Variants in SPTBN2 observed in about 807,000 individuals in gnomAD.
SPTBN2 encodes spectrin beta chain, non-erythrocytic 2.
Under a neutral mutation model 284.2 loss-of-function variants are expected in SPTBN2, and 107 were observed. The observed-to-expected ratio is 0.38, with a 90% CI of 0.32 to 0.44. The LOEUF is 0.44. Among genes scored for constraint, SPTBN2 ranks in the 20% least tolerant of loss-of-function variants. The pLI, the probability that SPTBN2 is intolerant of heterozygous loss-of-function variation, is 1.00. For missense variants in SPTBN2, 2,569 were observed against 3,287.1 expected, an observed-to-expected ratio of 0.78 and a Z score of 5.34; for synonymous variants, 1,289 against 1,354.8, an observed-to-expected ratio of 0.95 and a Z score of 1.07.
intron 8 of SPTBN2, 81 bp from the exon 9 acceptor site, chr11:66,711,110 C>T (rs1308237478): frequency 1.8e-6 from 2 of 1,130,536 alleles, no homozygotes; most frequent in Admixed American, 3.5e-5. Flanking sequence ...CCTGGGCCTG[C>T]CCAGTCCTCC....
chr11:66,687,962 G>A lies in SPTBN2; in HGVS notation c.6450+42C>T, dbSNP rs1940256132. ...GTAAAAGGATGTGCGGGGGTGGAGG[G>A]GCTACGACTCCGATGGGGGCACAGA... On this transcript the variant is annotated intron_variant, in intron 33 of 37. Transcript: ENST00000533211. This position sits in a 1 kb window ranked among gnomAD's most constrained non-coding sequence, Gnocchi z 5.2. The A allele has an allele frequency of 1.2e-6, 2 of 1,614,050 alleles. No homozygotes were observed. The highest frequency in any genetic ancestry group is 1.7e-6 in the Non-Finnish European group (2 of 1,180,018).
chr11:66,693,725 G>T lies in SPTBN2; in HGVS notation c.4593+47C>A. The stretch of plus-strand genomic sequence containing the variant: ...CTTAAGAAAAAACACGTCCAAGTCT[G>T]GGCAGGCTCCTGGGAACTTCTCTTT... On this transcript the variant is annotated intron_variant, in intron 23 of 37. Transcript: ENST00000533211. This position sits in a 1 kb window ranked among gnomAD's most constrained non-coding sequence, Gnocchi z 5.7. The T allele has an allele frequency of 6.4e-7, 1 of 1,560,534 alleles. No homozygotes were observed. The highest frequency in any genetic ancestry group is 8.7e-7 in the Non-Finnish European group (1 of 1,143,862).
At chr11:66,699,157 C>T (rs1941104424) in intron 18 of SPTBN2, 75 bp from the exon 19 acceptor site, 1 of 1,559,660 alleles carries the variant, frequency 6.4e-7, no homozygotes. Flanking sequence ...ACCTAGGGGC[C>T]TCCATTTCTT....
intron 1 of SPTBN2, among the ~76,000 whole-genome samples, chr11:66,727,746 A>G (rs1942672382): frequency 6.6e-6 from 1 of 151,820 alleles, no homozygotes; most frequent in African/African-American, 2.4e-5. Flanking sequence ...GGGAGGAGGG[A>G]GCCCGGCTCC....
Position 66,710,437 on chromosome 11 carries a change from A to G in SPTBN2, c.1073+145T>C, listed in dbSNP as rs747041893. On this transcript the variant is annotated intron_variant, in intron 10 of 37. Coordinates refer to ENST00000533211, the MANE Select transcript of SPTBN2 (RefSeq NM_006946.4). The surrounding 1 kb of genome is among the most constrained non-coding windows in gnomAD (Gnocchi z 4.9). ...CATTAAAAAATTTTATTTTGTATCA[A>G]CTATGTTGTTTGGATGCTTCTGGTG... 73 of 833,218 alleles carry G rather than the reference A, an allele frequency of 8.8e-5. 1 individual carries two copies. The highest frequency in any genetic ancestry group is 1.2e-4 in the Non-Finnish European group (62 of 529,540). 51.6% of individuals were successfully genotyped at this position (833,218 alleles called of 1,614,324 possible). A position where few individuals can be genotyped will look rare whatever the true frequency, so the allele number is the denominator to read the frequency against.
At chr11:66,742,613 AT>A (rs879285801) in intron 1 of SPTBN2, among the ~76,000 whole-genome samples, 373 of 142,970 alleles carry the variant, frequency 2.6e-3, no homozygotes, top group Admixed American at 3.2e-3. Context: ...CACAATGATA[AT>A]TTTTTTTTTT....
At position 66,707,433 on chromosome 11, in the gene SPTBN2, C is replaced by T. The variant is rs760455984; in HGVS notation, c.1653+83G>A. ...TGGTTCACACTCCACAGAGATCGGCCGAGCAGACGGGCGGACGCACCCACT... is the reference window on the plus strand; with the variant it reads ...TGGTTCACACTCCACAGAGATCGGCTGAGCAGACGGGCGGACGCACCCACT... On this transcript the variant is annotated intron_variant, in intron 13 of 37. Coordinates refer to ENST00000533211, the MANE Select transcript of SPTBN2 (RefSeq NM_006946.4). This position sits in a 1 kb window ranked among gnomAD's most constrained non-coding sequence, Gnocchi z 4.9. 61 of 1,438,040 alleles carry T rather than the reference C, an allele frequency of 4.2e-5. No individual in the cohort carries two copies. Among genetic ancestry groups the T allele is most frequent in the South Asian group, 6.2e-5 (5 of 80,010 alleles). 89.1% of individuals were successfully genotyped at this position (1,438,040 alleles called of 1,614,324 possible). A position where few individuals can be genotyped will look rare whatever the true frequency, so the allele number is the denominator to read the frequency against.
In SPTBN2 at chr11:66,713,662, T is replaced by G; in HGVS notation, c.741A>C (p.Glu247Asp). The stretch of plus-strand genomic sequence containing the variant: ...GATCCAGCAGCTTGGTAAGTCCCAG[T>G]TCCTTTTCAGCCAGATTGAATGCAT... ...LQNAFNLAEK[E>D]LGLTKLLDPE... The change falls in exon 8 of 38, where the codon GAA (glutamate) becomes GAC (aspartate). Residue 247 changes from glutamate (E) to aspartate (D), a missense_variant. Physicochemically the swap from Glu to Asp is conservative, Grantham distance 45 (BLOSUM62 2). Transcript: ENST00000533211. The G allele has an allele frequency of 6.2e-7, 1 of 1,614,060 alleles. No individual in the cohort carries two copies. Among genetic ancestry groups the G allele is most frequent in the Non-Finnish European group, 8.5e-7 (1 of 1,180,014 alleles).
At position 66,701,265 on chromosome 11, in the gene SPTBN2, C is replaced by T. The variant is rs377663856; in HGVS notation, c.2834G>A (p.Arg945His). ...AGCTGCCTTCTTGCCGTCTGCCAGACGCCGAAACTGCTGCCACCTGAGAGC... is the reference window on the plus strand; with the variant it reads ...AGCTGCCTTCTTGCCGTCTGCCAGATGCCGAAACTGCTGCCACCTGAGAGC... ...QLNHRWQQFR[R>H]LADGKKAALT... The change falls in exon 17 of 38, where the codon CGT (arginine) becomes CAT (histidine). Residue 945 changes from arginine to histidine, a missense_variant. This residue lies in a region of SPTBN2 where 1,012 missense variants were observed against 1,248.9 expected (regional missense o/e 0.81). Transcript: ENST00000533211. 138 of 1,612,630 alleles carry T rather than the reference C, an allele frequency of 8.6e-5. No homozygotes were observed. The highest frequency in any genetic ancestry group is 5.0e-4 in the Middle Eastern group (3 of 6,054).
chr11:66,722,362 C>G (rs552601860), intron 1 of SPTBN2, among the ~76,000 whole-genome samples: 2 of 150,204 alleles, frequency 1.3e-5, no homozygotes, highest in Non-Finnish European at 3.0e-5. Context: ...ATCACAAGGT[C>G]AGGAGATCGA....
At position 66,701,745 on chromosome 11, in the gene SPTBN2, G is replaced by A. The variant is rs551944128; in HGVS notation, c.2679-24C>T. 6.9e-5 allele frequency: 111 copies of A among 1,614,022 alleles called. 1 individual carries two copies. The South Asian group carries it at 7.1e-4, about 10-fold the overall frequency. On this transcript the variant is annotated intron_variant, in intron 15 of 37. Coordinates refer to ENST00000533211, the MANE Select transcript of SPTBN2 (RefSeq NM_006946.4). ...ACCTGAGAGGGTGGAAGAGCCAGGCGTGAATTGTGGGAGGCAGCGATGTGC... is the reference window on the plus strand; with the variant it reads ...ACCTGAGAGGGTGGAAGAGCCAGGCATGAATTGTGGGAGGCAGCGATGTGC...
At chr11:66,705,534 C>T in intron 14 of SPTBN2, 66 bp from the exon 15 acceptor site, 1 of 1,608,966 alleles carries the variant, frequency 6.2e-7, no homozygotes, top group Non-Finnish European at 8.5e-7. Flanking sequence ...TGCCACCACA[C>T]TCTCTTGGAC....
At chr11:66,741,806 CA>C (rs936893210) in intron 1 of SPTBN2, among the ~76,000 whole-genome samples, 70 of 151,944 alleles carry the variant, frequency 4.6e-4, no homozygotes, top group African/African-American at 1.5e-3. Flanking sequence ...GAGGTCTGAG[CA>C]AAAAACCGTT....
At chr11:66,736,462 A>G (rs1239804861) in intron 1 of SPTBN2, among the ~76,000 whole-genome samples, 1 of 152,192 alleles carries the variant, frequency 6.6e-6, no homozygotes, top group Non-Finnish European at 1.5e-5. Flanking sequence ...CTCATCTGGG[A>G]GCAGTCTGGG....
chr11:66,686,731 C>G, intron 36 of SPTBN2: 1 of 636,352 alleles, frequency 1.6e-6, no homozygotes, highest in Non-Finnish European at 2.7e-6. Context: ...TCCCAGATCC[C>G]TACCTTTGGA....
In SPTBN2 at chr11:66,713,745, G is replaced by T. The variant is rs1464486484; in HGVS notation, c.658C>A (p.Pro220Thr). Reference sequence around the variant, plus strand: ...AGAGACTCAAAATCCAGCAGGTCTGGCCTGGGTGGGGAGGCAAGACAGAAG... The same window carrying T: ...AGAGACTCAAAATCCAGCAGGTCTGTCCTGGGTGGGGAGGCAAGACAGAAG... Reference protein sequence around the residue: ...AFNAIVHKHRPDLLDFESLKK... With the variant: ...AFNAIVHKHRTDLLDFESLKK... Residue 220 changes from proline to threonine, a missense_variant and splice_region_variant, in exon 8 of 38, where the codon CCA becomes ACA. Physicochemically the swap from Pro to Thr is conservative, Grantham distance 38. Coordinates refer to ENST00000533211, the MANE Select transcript of SPTBN2 (RefSeq NM_006946.4). 14 of 1,610,898 alleles carry T rather than the reference G, an allele frequency of 8.7e-6. No individual in the cohort carries two copies. The highest frequency in any genetic ancestry group is 1.2e-5 in the Non-Finnish European group (14 of 1,177,182).
At chr11:66,743,288 G>A (rs1211079655) in intron 1 of SPTBN2, among the ~76,000 whole-genome samples, 1 of 152,208 alleles carries the variant, frequency 6.6e-6, no homozygotes, top group East Asian at 1.9e-4. Context: ...GGGAGGAATG[G>A]GGAGGAGCGC....
Position 66,700,591 on chromosome 11 carries a change from G to C in SPTBN2, c.3508C>G (p.Gln1170Glu). 4.4e-6 allele frequency: 7 copies of C among 1,607,920 alleles called. No individual in the cohort carries two copies. The highest frequency in any genetic ancestry group is 5.1e-6 in the Non-Finnish European group (6 of 1,179,996). Residue 1170 changes from glutamine to glutamate, a missense_variant, in exon 17 of 38, where the codon CAG (glutamine) becomes GAG (glutamate). Around this residue, in one of 6 missense-constraint regions of SPTBN2, gnomAD observed 1,012 missense variants for 1,248.9 expected, o/e 0.81. Transcript: ENST00000533211. The surrounding 1 kb of genome is among the most constrained non-coding windows in gnomAD (Gnocchi z 6.6). ...MWESRQGRLA[Q>E]AHGFQGFLRD... ...AGGAATCCCTGGAAGCCGTGGGCCT[G>C]GGCCAGGCGACCTTGCCGGCTCTCC...
In SPTBN2 at chr11:66,743,607, G is replaced by C. The variant is rs537972377; in HGVS notation, c.-475+935C>G. ...CATGCCCCTCCCGGAACCTGGCAGA[G>C]AGCAGCAGCTGGGACTCTGCAGGAC... On this transcript the variant is annotated intron_variant, in intron 1 of 37. Coordinates refer to the SPTBN2 transcript ENST00000611817. Among the ~76,000 whole-genome samples the C allele has an allele frequency of 1.2e-4, 18 of 152,326 alleles. No individual in the cohort carries two copies. In the South Asian group the frequency reaches 3.5e-3, roughly 30 times the overall value.
Sources: allele counts gnomAD v4.1 joint callset (sites outside exome capture counted in the v4.1 genomes callset), GRCh38; gene constraint gnomAD v4.1.1; regional missense constraint gnomAD v4.1.1; non-coding constraint Gnocchi (gnomAD v3.1); transcripts MANE v1.5; gene names NCBI Gene and HGNC (gene_info 2026-07-23, HGNC 2026-07-21).